Variants in FBXO5 observed in about 807,000 individuals in gnomAD.
The protein encoded by FBXO5 is F-box protein 5.
In FBXO5, 8 loss-of-function variants were observed where a neutral mutation model predicts 43.3. That is an observed-to-expected ratio of 0.18 (90% CI 0.11 to 0.33). The LOEUF is 0.33. FBXO5 is among the 10% of genes least tolerant of loss of function. FBXO5 has a pLI of 1.00. For missense variants in FBXO5, 491 were observed against 535.7 expected (o/e 0.92, Z 0.82); for synonymous variants, 204 against 193.7 (o/e 1.05, Z -0.44).
Position 152,983,040 on chromosome 6 carries a change from A to C in FBXO5, c.-81T>G. On this transcript the variant is annotated 5_prime_UTR_variant, in exon 1 of 5. Transcript: ENST00000229758. Reference sequence around the variant, plus strand: ...CAACCTGCCTGCTTCACAGACCTGTATCTCTTAAAAGGCGCCAGCTGGTAC... The same window carrying C: ...CAACCTGCCTGCTTCACAGACCTGTCTCTCTTAAAAGGCGCCAGCTGGTAC... The C allele has an allele frequency of 3.6e-6, 3 of 824,858 alleles. No individual in the cohort carries two copies. The highest frequency in any genetic ancestry group is 5.1e-6 in the Non-Finnish European group (3 of 584,350). The allele number at this position is 824,858 out of a possible 1,614,324, so 51.1% of individuals were successfully genotyped here.
rs1052460867 is a variant in FBXO5, at chr6:152,975,716, C to T, written c.104-95G>A. On this transcript the variant is annotated intron_variant, in intron 1 of 4. Coordinates refer to ENST00000229758, the MANE Select transcript of FBXO5 (RefSeq NM_012177.5). ...ATATACAAAGATTACTTTGCAATCT[C>T]TCAGCATTAGGTATTGTCTACATGT... The T allele has an allele frequency of 1.9e-5, 14 of 745,882 alleles. No individual in the cohort carries two copies. In the African/African-American group the frequency reaches 2.5e-4, roughly 13 times the overall value. The allele number at this position is 745,882 out of a possible 1,614,324, so 46.2% of individuals were successfully genotyped here.
chr6:152,976,661 ATAACT>A (rs1194259112), intron 1 of FBXO5, among the ~76,000 whole-genome samples: 8 of 152,232 alleles, frequency 5.3e-5, no homozygotes, highest in Non-Finnish European at 2.9e-5. Context: ...ATTGCTTTAA[ATAACT>A]TAAGATAAAC....
chr6:152,972,593 G>A (rs943868860), intron 3 of FBXO5, 139 bp from the exon 4 acceptor site: 22 of 629,622 alleles, frequency 3.5e-5, no homozygotes, highest in Admixed American at 1.2e-4. Context: ...TTACCTGCAC[G>A]TACTTAAACA....
intron 2 of FBXO5, 143 bp downstream of exon 2, chr6:152,974,764 A>G (rs1778137457): frequency 3.0e-6 from 2 of 662,722 alleles, no homozygotes. Flanking sequence ...TTTGAAAAAC[A>G]TCTGAAATCC....
At chr6:152,973,311 C>T in intron 2 of FBXO5, 175 bp from the exon 3 acceptor site, 1 of 558,008 alleles carries the variant, frequency 1.8e-6, no homozygotes, top group Non-Finnish European at 3.2e-6. Flanking sequence ...AAGCTCAGGG[C>T]TCTGTATTTT....
intron 1 of FBXO5, among the ~76,000 whole-genome samples, chr6:152,979,572 A>G (rs958185452): frequency 3.3e-5 from 5 of 152,182 alleles, no homozygotes; most frequent in African/African-American, 1.2e-4. Context: ...CTCACACTTA[A>G]AGGAGTGGGG....
At chr6:152,975,705 C>T (rs1778159865) in intron 1 of FBXO5, 84 bp from the exon 2 acceptor site, 3 of 827,858 alleles carry the variant, frequency 3.6e-6, no homozygotes, top group South Asian at 1.7e-5. Context: ...ACAAAGATTA[C>T]TTTGCAATCT....
chr6:152,972,905 T>A, intron 3 of FBXO5, 141 bp downstream of exon 3: 1 of 474,724 alleles, frequency 2.1e-6, no homozygotes, highest in Non-Finnish European at 3.6e-6. Context: ...TATTTTTGAA[T>A]GTGGTTTCTA....
chr6:152,982,995 C>T lies in FBXO5; in HGVS notation c.-36G>A. Reference sequence around the variant, plus strand: ...GTGGAGTCTGCCTCAGGTGGAGGAACCGCTCCGGGGGCAGCTGAGCAACCT... The same window carrying T: ...GTGGAGTCTGCCTCAGGTGGAGGAATCGCTCCGGGGGCAGCTGAGCAACCT... On this transcript the variant is annotated 5_prime_UTR_variant, in exon 1 of 5. Transcript: ENST00000229758. 7.6e-7 allele frequency: 1 copy of T among 1,309,694 alleles called. No homozygotes were observed. The highest frequency in any genetic ancestry group is 9.9e-7 in the Non-Finnish European group (1 of 1,013,822). 81.1% of individuals were successfully genotyped at this position (1,309,694 alleles called of 1,614,324 possible).
In FBXO5 at chr6:152,972,371, T is replaced by C. The variant is rs566182972; in HGVS notation, c.993A>G (p.Ser331=). The C allele has an allele frequency of 5.0e-6, 8 of 1,612,926 alleles. No individual in the cohort carries two copies. The highest frequency in any genetic ancestry group is 6.8e-6 in the Non-Finnish European group (8 of 1,179,294). The change falls in exon 4 of 5, where the codon TCA becomes TCG. Residue 331 remains serine, a synonymous_variant. Coordinates refer to ENST00000229758, the MANE Select transcript of FBXO5 (RefSeq NM_012177.5). ...FRTPLASVQK[S]AAQTSLKKDA... Reference sequence around the variant, plus strand: ...CTTTTTTGAGAGAAGTCTGGGCTGCTGATTTCTGAACAGAAGCCAGTGGGG... The same window carrying C: ...CTTTTTTGAGAGAAGTCTGGGCTGCCGATTTCTGAACAGAAGCCAGTGGGG...
chr6:152,982,345 C>T (rs930598542), intron 1 of FBXO5, among the ~76,000 whole-genome samples: 36 of 151,998 alleles, frequency 2.4e-4, no homozygotes, highest in African/African-American at 8.5e-4. Flanking sequence ...AGGCTGGGAC[C>T]GCGAAAAATC....
Position 152,975,568 on chromosome 6 carries a change from A to C in FBXO5, c.157T>G (p.Cys53Gly). ...TTAAGTCCGGAATGAACATGGTTAC[A>C]ATTAAAATCACACTTCATTTTGACA... is the stretch of plus-strand genomic sequence containing the variant. ...LSVKMKCDFNCNHVHSGLKLV... is the reference protein window; with the variant it reads ...LSVKMKCDFNGNHVHSGLKLV... The change falls in exon 2 of 5, where the codon TGT becomes GGT. Residue 53 changes from cysteine (C) to glycine (G), a missense_variant. Physicochemically the swap from Cys to Gly is radical, Grantham distance 159. Coordinates refer to ENST00000229758, the MANE Select transcript of FBXO5 (RefSeq NM_012177.5). 1 of 1,610,134 alleles carries C rather than the reference A, an allele frequency of 6.2e-7. No individual in the cohort carries two copies. Among genetic ancestry groups the C allele is most frequent in the Non-Finnish European group, 8.5e-7 (1 of 1,179,124 alleles).
rs1234180495 is a variant in FBXO5, at chr6:152,978,376, T to TGGGGGGGGGGGGGGGG, written c.104-2756_104-2755insCCCCCCCCCCCCCCCC. 8.8e-4 allele frequency among the ~76,000 whole-genome samples: 5 copies of TGGGGGGGGGGGGGGGG among 5,706 alleles called. 2 individuals are homozygous for TGGGGGGGGGGGGGGGG. The highest frequency in any genetic ancestry group is 1.1e-3 in the African/African-American group (2 of 1,774). The allele number at this position is 5,706 out of a possible 152,430, so 3.7% of individuals were successfully genotyped here. ...CATTAATCATGGAGAGCTTCATTTT[T>TGGGGGGGGGGGGGGGG]TGGGGGGGGGGGGGGGGCGGGGGAC... On this transcript the variant is annotated intron_variant, in intron 1 of 4. Coordinates refer to ENST00000229758, the MANE Select transcript of FBXO5 (RefSeq NM_012177.5).
rs1562293616 is a variant in FBXO5, at chr6:152,982,975, G to C, written c.-16C>G. 1.4e-6 allele frequency: 2 copies of C among 1,391,260 alleles called. No homozygotes were observed. Among genetic ancestry groups the C allele is most frequent in the Non-Finnish European group, 1.9e-6 (2 of 1,078,798 alleles). The allele number at this position is 1,391,260 out of a possible 1,614,324, so 86.2% of individuals were successfully genotyped here. On this transcript the variant is annotated 5_prime_UTR_variant, in exon 1 of 5. Transcript: ENST00000229758. Reference sequence around the variant, plus strand: ...GCCGGCTCATGCCAGCCGACGTGGAGTCTGCCTCAGGTGGAGGAACCGCTC... The same window carrying C: ...GCCGGCTCATGCCAGCCGACGTGGACTCTGCCTCAGGTGGAGGAACCGCTC...
At chr6:152,971,481 C>A in intron 4 of FBXO5, 67 bp from the exon 5 acceptor site, 1 of 1,487,052 alleles carries the variant, frequency 6.7e-7, no homozygotes, top group Non-Finnish European at 9.0e-7. Context: ...GTTAATAAAA[C>A]CAAGGACACC....
In FBXO5 at chr6:152,972,281, T is replaced by C. The variant is rs778056354; in HGVS notation, c.1083A>G (p.Glu361=). 5 of 1,606,486 alleles carry C rather than the reference T, an allele frequency of 3.1e-6. No individual in the cohort carries two copies. The highest frequency in any genetic ancestry group is 1.7e-5 in the Admixed American group (1 of 59,376). ...QKGSTYSRHN[E]FSEVAKTLKK... is the part of the protein sequence containing the mutation. ...TTAGACAAAAAATTACCTCAGAGAA[T>C]TCATTGTGTCGACTATAAGTAGAAC... The change falls in exon 4 of 5, where the codon GAA becomes GAG. Residue 361 remains glutamate (E), a synonymous_variant. Transcript: ENST00000229758.
rs148867936 is a variant in FBXO5 at position 152,975,191 on chromosome 6, T to C, written c.534A>G (p.Leu178=). Residue 178 remains leucine, a synonymous_variant, in exon 2 of 5, where the codon CTA becomes CTG. Coordinates refer to ENST00000229758, the MANE Select transcript of FBXO5 (RefSeq NM_012177.5). ...NFGDSLQSCL[L]QIQSPDQYPN... ...GATATTGGTCTGGGCTTTGTATTTG[T>C]AGCAGGCAGGATTGTAGACTGTCAC... 1.5e-5 allele frequency: 24 copies of C among 1,614,104 alleles called. No homozygotes were observed. In the African/African-American group the frequency reaches 2.8e-4, roughly 19 times the overall value.
rs1218992973 is a variant in FBXO5 at position 152,972,352 on chromosome 6, T to C, written c.1012A>G (p.Lys338Glu). ...VQKSAAQTSL[K>E]KDAQTKLSNQ... is the part of the protein sequence containing the mutation. ...GATAACTTGGTTTGAGCATCTTTTT[T>C]GAGAGAAGTCTGGGCTGCTGATTTC... Residue 338 changes from lysine (K) to glutamate (E), a missense_variant, in exon 4 of 5, where the codon AAA becomes GAA. Transcript: ENST00000229758. 6.2e-7 allele frequency: 1 copy of C among 1,613,218 alleles called. No homozygotes were observed. The highest frequency in any genetic ancestry group is 8.5e-7 in the Non-Finnish European group (1 of 1,179,440).
intron 1 of FBXO5, among the ~76,000 whole-genome samples, chr6:152,982,068 C>CT (rs981499664): frequency 2.0e-5 from 3 of 152,172 alleles, no homozygotes; most frequent in Non-Finnish European, 2.9e-5. Context: ...GTAAAAATTG[C>CT]TTTTTTTAAA....
Sources: gnomAD v4.1 joint callset for allele counts (sites outside exome capture counted in the v4.1 genomes callset) on GRCh38, gnomAD v4.1.1 for gene constraint, MANE v1.5 for transcripts, NCBI Gene and HGNC (gene_info 2026-07-23, HGNC 2026-07-21) for gene names.